ANKRD30BL: variants seen among roughly 807,000 people sequenced by gnomAD.
ANKRD30BL encodes the protein ankyrin repeat domain 30B like, also known as putative ankyrin repeat domain-containing protein 30B-like.
In ANKRD30BL, 20 loss-of-function variants were observed where a neutral mutation model predicts 18.4. The observed-to-expected ratio is 1.09, with a 90% CI of 0.77 to 1.58. The LOEUF (loss-of-function observed/expected upper bound fraction) is 1.58. Ranked by LOEUF, ANKRD30BL falls within the 40% of genes most tolerant of loss-of-function variation. The pLI is 0.00. For synonymous variants in ANKRD30BL, 72 were observed against 100.9 expected, an observed-to-expected ratio of 0.71 and a Z score of 1.72; for missense variants, 224 against 268.6, an observed-to-expected ratio of 0.83 and a Z score of 1.16.
chr2:132,235,876 A>G (rs200846507), intron 1 of ANKRD30BL, among the ~76,000 whole-genome samples: 118 of 152,156 alleles, frequency 7.8e-4, no homozygotes, highest in African/African-American at 2.3e-3. Flanking sequence ...AGCCCGCATC[A>G]CCAAGTCAAT....
chr2:132,170,919 G>T (rs577929040), intron 1 of ANKRD30BL, among the ~76,000 whole-genome samples: 1 of 152,206 alleles, frequency 6.6e-6, no homozygotes, highest in South Asian at 2.1e-4. Flanking sequence ...CACTTTGGGA[G>T]GCCGAGGCGG....
chr2:132,149,038 G>A (rs549570005), intron 5 of ANKRD30BL, among the ~76,000 whole-genome samples: 2 of 152,124 alleles, frequency 1.3e-5, no homozygotes, highest in South Asian at 4.2e-4. Context: ...TGTATTATGA[G>A]CACCTTAAAG....
intron 1 of ANKRD30BL, among the ~76,000 whole-genome samples, chr2:132,216,094 T>C (rs2104763729): frequency 6.6e-6 from 1 of 152,146 alleles, no homozygotes; most frequent in East Asian, 1.9e-4. Context: ...GAACTTTCTT[T>C]TGATTGAGCA....
chr2:132,225,923 A>T (rs1383888910), intron 1 of ANKRD30BL, among the ~76,000 whole-genome samples: 1 of 152,116 alleles, frequency 6.6e-6, no homozygotes, highest in South Asian at 2.1e-4. Flanking sequence ...CTTTCTTTTG[A>T]TAGAGAAGGT....
At chr2:132,245,119 G>A (rs1680459381) in intron 1 of ANKRD30BL, among the ~76,000 whole-genome samples, 1 of 152,294 alleles carries the variant, frequency 6.6e-6, no homozygotes, top group South Asian at 2.1e-4. Flanking sequence ...AAACTAGACA[G>A]AAGCATTCTC....
intron 1 of ANKRD30BL, among the ~76,000 whole-genome samples, chr2:132,168,989 TA>T (rs1688232960): frequency 6.6e-6 from 1 of 152,112 alleles, no homozygotes; most frequent in South Asian, 2.1e-4. Flanking sequence ...TATTTTAGAA[TA>T]TTGTATTGTC....
intron 1 of ANKRD30BL, among the ~76,000 whole-genome samples, chr2:132,218,323 ACTT>A (rs1253531707): frequency 2.0e-5 from 3 of 152,366 alleles, no homozygotes; most frequent in Non-Finnish European, 2.9e-5. Flanking sequence ...ATTCCCAGAA[ACTT>A]CTTTTTGAGG....
intron 1 of ANKRD30BL, among the ~76,000 whole-genome samples, chr2:132,184,460 T>G (rs1688529670): frequency 6.6e-6 from 1 of 152,186 alleles, no homozygotes; most frequent in African/African-American, 2.4e-5. Flanking sequence ...AGCATGGAAT[T>G]TACAATTCAC....
intron 1 of ANKRD30BL, among the ~76,000 whole-genome samples, chr2:132,232,747 T>A (rs575577677): frequency 1.3e-5 from 2 of 152,288 alleles, no homozygotes; most frequent in South Asian, 4.1e-4. Flanking sequence ...GGGACCCAAG[T>A]TGGAAAACAC....
chr2:132,234,355 A>C (rs534006745), intron 1 of ANKRD30BL, among the ~76,000 whole-genome samples: 1 of 152,244 alleles, frequency 6.6e-6, no homozygotes, highest in South Asian at 2.1e-4. Context: ...ACTGAAGGAA[A>C]TAGAGACACA....
chr2:132,208,299 T>C (rs1331149152), intron 1 of ANKRD30BL, among the ~76,000 whole-genome samples: 1 of 152,176 alleles, frequency 6.6e-6, no homozygotes, highest in Non-Finnish European at 1.5e-5. Context: ...TCTAACAGTT[T>C]TCCTTTCCCT....
At chr2:132,214,352 C>T (rs951102135) in intron 1 of ANKRD30BL, among the ~76,000 whole-genome samples, 40 of 152,040 alleles carry the variant, frequency 2.6e-4, no homozygotes, top group African/African-American at 9.6e-4. Flanking sequence ...TAGACAGAGG[C>T]ATTCTGAGAA....
chr2:132,188,260 ATGCT>A (rs1678746978), intron 1 of ANKRD30BL, among the ~76,000 whole-genome samples: 1 of 152,214 alleles, frequency 6.6e-6, no homozygotes, highest in East Asian at 1.9e-4. Context: ...AGGTTTGATT[ATGCT>A]ACTAAAAATC....
At chr2:132,197,688 G>C (rs1421399261) in intron 1 of ANKRD30BL, among the ~76,000 whole-genome samples, 1 of 151,720 alleles carries the variant, frequency 6.6e-6, no homozygotes, top group Non-Finnish European at 1.5e-5. Flanking sequence ...TTATAGGTTA[G>C]TTGTTTCTTC....
chr2:132,232,988 T>C (rs148106947), intron 1 of ANKRD30BL, among the ~76,000 whole-genome samples: 13,251 of 152,144 alleles, frequency 0.087, 1,010 homozygotes, highest in East Asian at 0.26. Context: ...GCGGATCTCT[T>C]GGCAGAAACC....
At chr2:132,223,810 C>G (rs954864876) in intron 1 of ANKRD30BL, among the ~76,000 whole-genome samples, 5 of 152,098 alleles carry the variant, frequency 3.3e-5, no homozygotes, top group Non-Finnish European at 4.4e-5. Flanking sequence ...AAAAACTAGA[C>G]AGAAGCATTC....
intron 1 of ANKRD30BL, among the ~76,000 whole-genome samples, chr2:132,175,121 G>C (rs1280994022): frequency 1.3e-5 from 2 of 152,192 alleles, no homozygotes; most frequent in Admixed American, 6.5e-5. Flanking sequence ...TATAGAGAAA[G>C]AAAAGTGGGC....
chr2:132,233,003 A>T (rs1680063965), intron 1 of ANKRD30BL, among the ~76,000 whole-genome samples: 2 of 152,324 alleles, frequency 1.3e-5, no homozygotes, highest in Middle Eastern at 3.4e-3. Context: ...GAAACCCTAC[A>T]AGCCAGAAGA....
chr2:132,209,550 T>A (rs945022725), intron 1 of ANKRD30BL, among the ~76,000 whole-genome samples: 3 of 152,182 alleles, frequency 2.0e-5, no homozygotes, highest in Admixed American at 1.3e-4. Flanking sequence ...TCTGAGAAAC[T>A]TCTTTGTGAT....
Sources: gnomAD v4.1 joint callset for allele counts (sites outside exome capture counted in the v4.1 genomes callset) on GRCh38, gnomAD v4.1.1 for gene constraint, MANE v1.5 for transcripts, NCBI Gene and HGNC (gene_info 2026-07-23, HGNC 2026-07-21) for gene names.